CDH13: variants seen among roughly 807,000 people sequenced by gnomAD.
The protein encoded by CDH13 is cadherin 13.
CDH13 carries 24 observed loss-of-function variants against 63.8 expected under a neutral mutation model. That is an observed-to-expected ratio of 0.38 (90% CI 0.27 to 0.53). The LOEUF is 0.53. Ranked by LOEUF, CDH13 falls within the 20% of genes least tolerant of loss-of-function variation. The pLI, the probability that CDH13 is intolerant of heterozygous loss-of-function variation, is 0.85. For synonymous variants in CDH13, 503 were observed against 355.3 expected, an observed-to-expected ratio of 1.42 and a Z score of -4.67; for missense variants, 1,049 against 903.1, an observed-to-expected ratio of 1.16 and a Z score of -2.07.
intron 1 of CDH13, among the ~76,000 whole-genome samples, chr16:82,819,037 C>T (rs1235431807): frequency 6.6e-6 from 1 of 152,116 alleles, no homozygotes; most frequent in Non-Finnish European, 1.5e-5. Flanking sequence ...AATCATCTGG[C>T]ATGTGTGATT....
At chr16:83,240,164 A>C (rs970946330) in intron 5 of CDH13, among the ~76,000 whole-genome samples, 1 of 151,848 alleles carries the variant, frequency 6.6e-6, no homozygotes, top group Non-Finnish European at 1.5e-5. Flanking sequence ...TTGTTGGTGT[A>C]CCCCTCATTT....
At chr16:83,411,378 G>A (rs1347209267) in intron 6 of CDH13, among the ~76,000 whole-genome samples, 7 of 152,102 alleles carry the variant, frequency 4.6e-5, no homozygotes, top group African/African-American at 1.7e-4. Context: ...AGCATCCAAT[G>A]TATATCACCG....
At chr16:83,378,455 C>T (rs1403455466) in intron 6 of CDH13, among the ~76,000 whole-genome samples, 1 of 152,126 alleles carries the variant, frequency 6.6e-6, no homozygotes, top group Non-Finnish European at 1.5e-5. Flanking sequence ...TTGTCTGCAA[C>T]GATAATATAT....
chr16:83,663,227 C>G (rs903031888), intron 8 of CDH13, among the ~76,000 whole-genome samples: 2 of 152,172 alleles, frequency 1.3e-5, no homozygotes, highest in African/African-American at 2.4e-5. Context: ...AAGCTAGGAT[C>G]ACATGATACA....
intron 5 of CDH13, among the ~76,000 whole-genome samples, chr16:83,220,725 C>G (rs532381235): frequency 1.6e-3 from 236 of 150,110 alleles, no homozygotes; most frequent in African/African-American, 5.0e-3. Context: ...CATAATAGCG[C>G]CAATGTTTCT....
At chr16:82,776,247 A>AAGGGAGGGAGGGAGGG (rs146393114) in intron 1 of CDH13, among the ~76,000 whole-genome samples, 1 of 140,346 alleles carries the variant, frequency 7.1e-6, no homozygotes, top group Non-Finnish European at 1.6e-5. Flanking sequence ...GGAAGGGATT[A>AAGGGAGGGAGGGAGGG]AGGGAGGGAG....
chr16:83,274,052 C>T (rs972817243), intron 5 of CDH13, among the ~76,000 whole-genome samples: 2 of 152,204 alleles, frequency 1.3e-5, no homozygotes, highest in African/African-American at 2.4e-5. Context: ...TTCCAGCCTG[C>T]ACTATGACAA....
intron 2 of CDH13, among the ~76,000 whole-genome samples, chr16:83,001,544 T>C (rs1181370113): frequency 2.0e-5 from 3 of 152,248 alleles, no homozygotes; most frequent in Non-Finnish European, 4.4e-5. Context: ...CACTTTCATT[T>C]TAATTTAAGA....
chr16:82,887,995 T>C (rs1174751068), intron 2 of CDH13, among the ~76,000 whole-genome samples: 2 of 152,160 alleles, frequency 1.3e-5, no homozygotes, highest in African/African-American at 2.4e-5. Flanking sequence ...AACACACTGT[T>C]ACTTCAGAAA....
Position 83,125,301 on chromosome 16 carries a change from C to T in CDH13, c.367-84C>T, listed in dbSNP as rs748229075. ...ACTTTCCAAACAGCTGTATGCTTTC[C>T]CAACAAAGGAACTCTATCTCGGAGC... is the stretch of plus-strand genomic sequence containing the variant. On this transcript the variant is annotated intron_variant, in intron 3 of 13. Coordinates refer to ENST00000567109, the MANE Select transcript of CDH13 (RefSeq NM_001257.5). The T allele has an allele frequency of 6.8e-5, 52 of 760,478 alleles. 1 individual carries two copies. The South Asian group carries it at 8.2e-4, about 12-fold the overall frequency. The allele number at this position is 760,478 out of a possible 1,614,324, so 47.1% of individuals were successfully genotyped here. A position where few individuals can be genotyped will look rare whatever the true frequency, so the allele number is the denominator to read the frequency against.
intron 2 of CDH13, among the ~76,000 whole-genome samples, chr16:82,942,432 T>G (rs953816778): frequency 1.3e-5 from 2 of 152,206 alleles, no homozygotes; most frequent in Admixed American, 1.3e-4. Flanking sequence ...CATTTAAAAC[T>G]ATCCTGTTAT....
intron 4 of CDH13, chr16:83,171,593 A>T: frequency 6.6e-7 from 1 of 1,518,802 alleles, no homozygotes; most frequent in South Asian, 1.2e-5. Flanking sequence ...ATTTTGAAAT[A>T]TCTGTGTCTC....
At chr16:83,414,834 T>C (rs2092177224) in intron 6 of CDH13, among the ~76,000 whole-genome samples, 1 of 152,214 alleles carries the variant, frequency 6.6e-6, no homozygotes, top group Non-Finnish European at 1.5e-5. Flanking sequence ...TTTAGGTTGT[T>C]TGTACCTCTT....
intron 10 of CDH13, among the ~76,000 whole-genome samples, chr16:83,733,350 T>C (rs897775280): frequency 6.6e-6 from 1 of 152,220 alleles, no homozygotes; most frequent in Non-Finnish European, 1.5e-5. Flanking sequence ...CAGATGCTTC[T>C]GTCTCCCAGG....
At chr16:82,751,801 A>G (rs1045981117) in intron 1 of CDH13, among the ~76,000 whole-genome samples, 3 of 151,902 alleles carry the variant, frequency 2.0e-5, no homozygotes, top group African/African-American at 2.4e-5. Context: ...GGCTCTGGTT[A>G]CATACAGCCT....
At chr16:83,770,575 C>T (rs192719950) in intron 11 of CDH13, among the ~76,000 whole-genome samples, 3 of 152,286 alleles carry the variant, frequency 2.0e-5, no homozygotes, top group Non-Finnish European at 2.9e-5. Flanking sequence ...GGCTACTCCC[C>T]GTAGACAGAG....
intron 2 of CDH13, among the ~76,000 whole-genome samples, chr16:82,934,320 G>A (rs926454297): frequency 1.3e-5 from 2 of 152,216 alleles, no homozygotes; most frequent in African/African-American, 4.8e-5. Context: ...AGTCTGAGCT[G>A]TACCTTGGCC....
At chr16:83,428,072 G>A (rs1156891334) in intron 6 of CDH13, among the ~76,000 whole-genome samples, 1 of 152,214 alleles carries the variant, frequency 6.6e-6, no homozygotes, top group East Asian at 1.9e-4. Context: ...ATGACACAGA[G>A]AGGGTCATTT....
At chr16:82,969,110 C>T (rs1049218824) in intron 2 of CDH13, among the ~76,000 whole-genome samples, 9 of 151,880 alleles carry the variant, frequency 5.9e-5, no homozygotes, top group East Asian at 1.9e-4. Flanking sequence ...CTCTCTCAAA[C>T]GAAAAAGAAA....
Sources: gnomAD v4.1 joint callset for allele counts (sites outside exome capture counted in the v4.1 genomes callset) on GRCh38, gnomAD v4.1.1 for gene constraint, MANE v1.5 for transcripts, NCBI Gene and HGNC (gene_info 2026-07-23, HGNC 2026-07-21) for gene names.